Variants in SLC9A6 observed in about 807,000 individuals in gnomAD.
SLC9A6 encodes the protein solute carrier family 9 member A6.
In SLC9A6, 6 loss-of-function variants were observed where a neutral mutation model predicts 45.3. The ratio of observed to expected loss-of-function variants is 0.13; its 90% confidence interval spans 0.07 to 0.26. The LOEUF (loss-of-function observed/expected upper bound fraction) is 0.26, where lower values mean the gene tolerates loss of function less well. Ranked by LOEUF, SLC9A6 falls within the 10% of genes least tolerant of loss-of-function variation. SLC9A6 has a pLI of 1.00. For missense variants in SLC9A6, 278 were observed against 503.7 expected (o/e 0.55, Z 4.29); for synonymous variants, 191 against 187.7 (o/e 1.02, Z -0.14).
upstream of SLC9A6, among the ~76,000 whole-genome samples, chrX:135,980,851 T>C (rs2089282956): frequency 8.9e-6 from 1 of 112,609 alleles, no homozygotes; most frequent in African/African-American, 3.2e-5. Context: ...GCCACCATGC[T>C]TGGCCTAAGA....
chrX:136,001,501 C>A (rs2089583788), intron 6 of SLC9A6, among the ~76,000 whole-genome samples: 1 of 111,255 alleles, frequency 9.0e-6, no homozygotes, highest in African/African-American at 3.3e-5. Flanking sequence ...TAATTGCTTT[C>A]CTAAAAGGAG....
upstream of SLC9A6, chrX:135,973,989 G>A: frequency 7.6e-6 from 7 of 923,843 alleles, no homozygotes; most frequent in Non-Finnish European, 1.0e-5. Context: ...AAGCGAAGAG[G>A]AAGGGCGCCG....
chrX:136,009,083 T>G (rs1437705620), intron 7 of SLC9A6, among the ~76,000 whole-genome samples: 2 of 111,977 alleles, frequency 1.8e-5, no homozygotes, highest in African/African-American at 6.5e-5. Context: ...AATTTTTTTC[T>G]TTTCTCCAGC....
intron 15 of SLC9A6, chrX:136,030,476 GA>G (rs1485224271): frequency 3.5e-6 from 1 of 287,772 alleles, no homozygotes; most frequent in African/African-American, 2.7e-5. Context: ...CTGGCACGGG[GA>G]GGCTTTTTCC....
chrX:136,028,090 G>A (rs1048993155), intron 13 of SLC9A6, among the ~76,000 whole-genome samples: 6 of 112,065 alleles, frequency 5.4e-5, no homozygotes, highest in Non-Finnish European at 1.1e-4. Flanking sequence ...CTCTTATGTT[G>A]GTGCAACATT....
upstream of SLC9A6, among the ~76,000 whole-genome samples, chrX:135,974,441 C>T (rs1225042457): frequency 6.8e-5 from 3 of 44,017 alleles, no homozygotes; most frequent in African/African-American, 2.8e-4. Flanking sequence ...GAGGTGGGAC[C>T]GAGGGGGCGC....
At chrX:136,023,594 A>G (rs1458806534) in intron 12 of SLC9A6, among the ~76,000 whole-genome samples, 2 of 110,546 alleles carry the variant, frequency 1.8e-5, no homozygotes, top group Non-Finnish European at 3.8e-5. Context: ...ACAAAAAGAC[A>G]AAGTCGTAGC....
At chrX:136,031,124 G>A (rs782806064) in intron 15 of SLC9A6, among the ~76,000 whole-genome samples, 1 of 112,284 alleles carries the variant, frequency 8.9e-6, no homozygotes, top group African/African-American at 3.2e-5. Context: ...TGACATACTT[G>A]TAAAAACCAA....
At chrX:136,033,388 T>C (rs782207180) in intron 15 of SLC9A6, 26 bp from the exon 16 acceptor site, 2 of 984,048 alleles carry the variant, frequency 2.0e-6, no homozygotes, top group South Asian at 1.9e-5. Context: ...TGTATAGATA[T>C]TGATTTCTGT....
At chrX:135,996,793 G>A (rs1303920762) in intron 3 of SLC9A6, among the ~76,000 whole-genome samples, 3 of 110,189 alleles carry the variant, frequency 2.7e-5, no homozygotes, top group Admixed American at 9.6e-5. Context: ...TTGAGACAGA[G>A]TCTCGCTCTG....
intron 6 of SLC9A6, among the ~76,000 whole-genome samples, chrX:136,000,503 A>C (rs2148153643): frequency 9.0e-6 from 1 of 111,294 alleles, no homozygotes; most frequent in African/African-American, 3.3e-5. Flanking sequence ...AACTTTTCAA[A>C]TCCTATGAGA....
intron 7 of SLC9A6, among the ~76,000 whole-genome samples, chrX:136,003,948 T>G (rs2148159612): frequency 9.0e-6 from 1 of 111,117 alleles, no homozygotes; most frequent in East Asian, 2.8e-4. Flanking sequence ...TATACCAATT[T>G]AATTGCAGAC....
chrX:136,008,188 C>G (rs782001567), intron 7 of SLC9A6, among the ~76,000 whole-genome samples: 15 of 111,747 alleles, frequency 1.3e-4, no homozygotes, highest in African/African-American at 4.2e-4. Flanking sequence ...TGTGCTGTAT[C>G]CATTTGGACC....
intron 10 of SLC9A6, 57 bp downstream of exon 10, chrX:136,013,494 G>T: frequency 1.2e-6 from 1 of 835,335 alleles, no homozygotes; most frequent in Non-Finnish European, 1.8e-6. Flanking sequence ...CAAAATAGAA[G>T]TCTTTTTTAC....
intron 7 of SLC9A6, among the ~76,000 whole-genome samples, chrX:136,007,706 T>A (rs782560598): frequency 8.9e-6 from 1 of 111,795 alleles, no homozygotes; most frequent in Non-Finnish European, 1.9e-5. Flanking sequence ...GTAGCTTTTT[T>A]ACTTGGATAT....
At chrX:135,982,118 C>G (rs1302132350), upstream of SLC9A6, among the ~76,000 whole-genome samples, 1 of 111,359 alleles carries the variant, frequency 9.0e-6, no homozygotes, top group Non-Finnish European at 1.9e-5. Flanking sequence ...TTCTTAGTTT[C>G]AAGACATACA....
At chrX:136,003,177 C>T (rs782556595) in intron 7 of SLC9A6, among the ~76,000 whole-genome samples, 3 of 108,673 alleles carry the variant, frequency 2.8e-5, no homozygotes, top group African/African-American at 1.0e-4. Flanking sequence ...TTAGTAGAGA[C>T]GGGGTTTCAC....
At chrX:136,001,904 G>C (rs1187510242) in intron 6 of SLC9A6, among the ~76,000 whole-genome samples, 2 of 112,147 alleles carry the variant, frequency 1.8e-5, no homozygotes, top group East Asian at 5.5e-4. Context: ...TTAAGAGAGA[G>C]AGGAGAAGTT....
intron 2 of SLC9A6, among the ~76,000 whole-genome samples, chrX:135,989,494 T>G (rs1229630436): frequency 8.9e-6 from 1 of 112,403 alleles, no homozygotes; most frequent in Non-Finnish European, 1.9e-5. Flanking sequence ...AAATATTGAT[T>G]AGATGTCTAT....
Sources: allele counts gnomAD v4.1 joint callset (sites outside exome capture counted in the v4.1 genomes callset), GRCh38; gene constraint gnomAD v4.1.1; transcripts MANE v1.5; gene names NCBI Gene and HGNC (gene_info 2026-07-23, HGNC 2026-07-21).